The following GRIA4 variants were observed in gnomAD, a reference collection of about 807,000 sequenced individuals.
The protein encoded by GRIA4 is glutamate receptor 4.
GRIA4 carries 34 observed loss-of-function variants against 104.0 expected under a neutral mutation model. That is an observed-to-expected ratio of 0.33 (90% CI 0.25 to 0.44). The LOEUF (loss-of-function observed/expected upper bound fraction) is 0.44. Ranked by LOEUF, GRIA4 falls within the 20% of genes least tolerant of loss-of-function variation. The pLI is 1.00. For synonymous variants in GRIA4, 386 were observed against 381.9 expected (o/e 1.01, Z -0.13); for missense variants, 750 against 1,096.5 (o/e 0.68, Z 4.46).
At chr11:105,918,541 A>G (rs1353311894) in intron 10 of GRIA4, among the ~76,000 whole-genome samples, 171 bp from the exon 11 acceptor site, 9 of 152,134 alleles carry the variant, frequency 5.9e-5, no homozygotes, top group African/African-American at 1.9e-4. Context: ...AATCTCTTCT[A>G]AGCATACTTA....
intron 3 of GRIA4, 129 bp downstream of exon 3, chr11:105,612,563 A>G: frequency 1.5e-6 from 1 of 671,618 alleles, no homozygotes; most frequent in Admixed American, 3.0e-5. Context: ...GTTTCAGGAC[A>G]AATCAGAGTT....
chr11:105,914,961 A>G (rs1030321749), intron 10 of GRIA4, among the ~76,000 whole-genome samples: 1 of 152,108 alleles, frequency 6.6e-6, no homozygotes, highest in Non-Finnish European at 1.5e-5. Flanking sequence ...CCTTTGTATT[A>G]ACTCTAATAT....
At chr11:105,666,182 A>G (rs181573809) in intron 3 of GRIA4, among the ~76,000 whole-genome samples, 30 of 152,182 alleles carry the variant, frequency 2.0e-4, no homozygotes, top group Non-Finnish European at 3.7e-4. Context: ...AAAGAAAACA[A>G]TTTTAAAAAC....
chr11:105,847,055 C>T (rs908468342), intron 4 of GRIA4, among the ~76,000 whole-genome samples: 1 of 151,640 alleles, frequency 6.6e-6, no homozygotes, highest in Non-Finnish European at 1.5e-5. Context: ...ACTGTTCCAC[C>T]TCAGATCATC....
chr11:105,873,359 T>G (rs1945687256), intron 5 of GRIA4, among the ~76,000 whole-genome samples: 1 of 152,210 alleles, frequency 6.6e-6, no homozygotes, highest in Non-Finnish European at 1.5e-5. Flanking sequence ...TCTTTTCTAT[T>G]GTGAATAGTG....
At chr11:105,632,649 C>A (rs1331655679) in intron 3 of GRIA4, among the ~76,000 whole-genome samples, 1 of 152,102 alleles carries the variant, frequency 6.6e-6, no homozygotes, top group Admixed American at 6.6e-5. Flanking sequence ...ATATACAGTG[C>A]TTAGGGGCCA....
At chr11:105,906,535 T>C (rs1380020998) in intron 9 of GRIA4, among the ~76,000 whole-genome samples, 1 of 152,164 alleles carries the variant, frequency 6.6e-6, no homozygotes, top group Non-Finnish European at 1.5e-5. Flanking sequence ...CCCAGTTGCG[T>C]TTTGCTTCAG....
chr11:105,940,434 A>G (rs566738337), intron 14 of GRIA4, among the ~76,000 whole-genome samples: 1 of 152,226 alleles, frequency 6.6e-6, no homozygotes, highest in East Asian at 1.9e-4. Context: ...TATATTTGCA[A>G]TAGGTAGACG....
intron 3 of GRIA4, among the ~76,000 whole-genome samples, chr11:105,739,868 TCTGAAAATC>T (rs1387101716): frequency 6.6e-6 from 1 of 152,140 alleles, no homozygotes; most frequent in Non-Finnish European, 1.5e-5. Flanking sequence ...ATAGCAGCAT[TCTGAAAATC>T]AACAGGTAAA....
chr11:105,647,209 G>T (rs192262647), intron 3 of GRIA4, among the ~76,000 whole-genome samples: 103 of 152,260 alleles, frequency 6.8e-4, no homozygotes, highest in African/African-American at 2.3e-3. Context: ...AGTACCACTA[G>T]TCATTAGAAA....
chr11:105,833,497 G>A (rs1460925300), intron 4 of GRIA4, among the ~76,000 whole-genome samples: 2 of 151,834 alleles, frequency 1.3e-5, no homozygotes, highest in African/African-American at 4.8e-5. Context: ...TTTTGCAAAA[G>A]TGAGTTCAAA....
At chr11:105,838,879 A>G (rs1944287434) in intron 4 of GRIA4, among the ~76,000 whole-genome samples, 1 of 152,172 alleles carries the variant, frequency 6.6e-6, no homozygotes, top group South Asian at 2.1e-4. Flanking sequence ...GTCACAGCAT[A>G]GTGACTAATG....
At chr11:105,639,151 A>G (rs1951288719) in intron 3 of GRIA4, among the ~76,000 whole-genome samples, 1 of 152,128 alleles carries the variant, frequency 6.6e-6, no homozygotes, top group Non-Finnish European at 1.5e-5. Flanking sequence ...GGAGGAGAGA[A>G]TATTCATGCT....
chr11:105,833,338 C>T (rs1344692424), intron 4 of GRIA4, among the ~76,000 whole-genome samples: 3 of 151,948 alleles, frequency 2.0e-5, no homozygotes, highest in African/African-American at 4.8e-5. Context: ...TATTCTTATG[C>T]TATATCTCAG....
intron 3 of GRIA4, among the ~76,000 whole-genome samples, chr11:105,619,854 A>G (rs921293206): frequency 6.6e-6 from 1 of 151,890 alleles, no homozygotes. Context: ...ATCATTTTAG[A>G]AGCAGAATAG....
At chr11:105,614,361 T>C (rs931600561) in intron 3 of GRIA4, 2 of 151,926 alleles carry the variant, frequency 1.3e-5, no homozygotes, top group African/African-American at 4.8e-5. Context: ...TTAACCTCAT[T>C]TGGGATAACT....
chr11:105,612,462 T>C, intron 3 of GRIA4, 28 bp downstream of exon 3: 1 of 1,602,794 alleles, frequency 6.2e-7, no homozygotes, highest in Non-Finnish European at 8.5e-7. Flanking sequence ...TATGAAAAAT[T>C]AGAAGAGAAC....
chr11:105,680,468 C>T (rs557204927), intron 3 of GRIA4, among the ~76,000 whole-genome samples: 4 of 152,130 alleles, frequency 2.6e-5, no homozygotes, highest in African/African-American at 7.2e-5. Context: ...ATTTCTGAAG[C>T]CATTTTATGA....
intron 3 of GRIA4, among the ~76,000 whole-genome samples, chr11:105,743,256 T>C (rs576244814): frequency 6.6e-6 from 1 of 152,298 alleles, no homozygotes; most frequent in African/African-American, 2.4e-5. Context: ...ATTCAGCATA[T>C]GCTTACACTA....
Sources: allele counts gnomAD v4.1 joint callset (sites outside exome capture counted in the v4.1 genomes callset), GRCh38; gene constraint gnomAD v4.1.1; transcripts MANE v1.5; gene names NCBI Gene and HGNC (gene_info 2026-07-23, HGNC 2026-07-21).